The following GRB10 variants were observed in gnomAD, a reference collection of about 807,000 sequenced individuals.
GRB10 encodes the protein growth factor receptor bound protein 10.
In GRB10, 20 loss-of-function variants were observed where a neutral mutation model predicts 80.9. The ratio of observed to expected loss-of-function variants is 0.25; its 90% CI spans 0.17 to 0.36. GRB10 has a LOEUF of 0.36. Among genes scored for constraint, GRB10 ranks in the 10% least tolerant of loss-of-function variants. The probability of loss-of-function intolerance (pLI) is 1.00; values close to 1 mark genes in which losing one functional copy is unlikely to be tolerated. For synonymous variants in GRB10, 291 were observed against 291.5 expected, an observed-to-expected ratio of 1.00 and a Z score of 0.02; for missense variants, 548 against 747.7, an observed-to-expected ratio of 0.73 and a Z score of 3.12.
At chr7:50,777,896 CACACACCAGG>C (rs1331098748) in intron 2 of GRB10, among the ~76,000 whole-genome samples, 1 of 152,058 alleles carries the variant, frequency 6.6e-6, no homozygotes, top group Non-Finnish European at 1.5e-5. Flanking sequence ...AGGGGAATAA[CACACACCAGG>C]GCCTGTCAGG....
chr7:50,735,316 G>GT (rs2070602362), intron 3 of GRB10, among the ~76,000 whole-genome samples: 1 of 152,146 alleles, frequency 6.6e-6, no homozygotes, highest in South Asian at 2.1e-4. Context: ...TAAATAAACG[G>GT]TAAGACATGC....
intron 7 of GRB10, among the ~76,000 whole-genome samples, chr7:50,640,944 G>C (rs1214578902): frequency 6.6e-6 from 1 of 152,166 alleles, no homozygotes; most frequent in Non-Finnish European, 1.5e-5. Flanking sequence ...GCTGAGCACA[G>C]AAAGGCAGGC....
chr7:50,740,370 C>A (rs543894365), intron 3 of GRB10, among the ~76,000 whole-genome samples: 1 of 152,280 alleles, frequency 6.6e-6, no homozygotes, highest in South Asian at 2.1e-4. Context: ...CCTGCCATAC[C>A]CAGAACAGCA....
chr7:50,626,760 A>G (rs1468450), intron 8 of GRB10, 62 bp downstream of exon 8: 972,549 of 1,581,726 alleles, frequency 0.61, 304,091 homozygotes, highest in African/African-American at 0.92. Context: ...TGGCAGCAGC[A>G]GTCTTCATTC....
At chr7:50,628,282 A>G (rs1211213772) in intron 7 of GRB10, among the ~76,000 whole-genome samples, 2 of 152,222 alleles carry the variant, frequency 1.3e-5, no homozygotes, top group East Asian at 3.9e-4. Flanking sequence ...AGGGTGGGTG[A>G]GAATGTTAGT....
At chr7:50,792,279 G>A (rs758030001) in intron 1 of GRB10, among the ~76,000 whole-genome samples, 20 of 151,218 alleles carry the variant, frequency 1.3e-4, no homozygotes, top group Non-Finnish European at 2.8e-4. Flanking sequence ...CACCAAGTTT[G>A]CAAGAAAATA....
intron 4 of GRB10, among the ~76,000 whole-genome samples, chr7:50,730,527 C>T (rs540432984): frequency 6.6e-5 from 10 of 152,302 alleles, no homozygotes; most frequent in Admixed American, 3.9e-4. Flanking sequence ...GGACATATGC[C>T]GCCAAGTCTT....
intron 7 of GRB10, among the ~76,000 whole-genome samples, chr7:50,656,781 G>A (rs188765837): frequency 2.6e-5 from 4 of 152,328 alleles, no homozygotes; most frequent in East Asian, 1.9e-4. Context: ...GTCAGGGCTC[G>A]GAAGTCCCGA....
In GRB10 at chr7:50,782,782, TC is replaced by T. The variant is rs1235814752; in HGVS notation, c.-686del. On this transcript the variant is annotated 5_prime_UTR_variant, in exon 1 of 19. Coordinates refer to ENST00000401949, the MANE Select transcript of GRB10 (RefSeq NM_001350814.2). This position sits in a 1 kb window ranked among gnomAD's most constrained non-coding sequence, Gnocchi z 6.6. Reference sequence around the variant, plus strand: ...CACCACGCAGGTGCCCGGGGGCCCCTCCGCGGAGCCGGCTGCCGCCCGGCTG... The same window carrying T: ...CACCACGCAGGTGCCCGGGGGCCCCTCGCGGAGCCGGCTGCCGCCCGGCTG... 6.6e-6 allele frequency: 1 copy of T among 151,854 alleles called. No homozygotes were observed. Among genetic ancestry groups the T allele is most frequent in the African/African-American group, 2.4e-5 (1 of 41,310 alleles). 9.4% of individuals were successfully genotyped at this position (151,854 alleles called of 1,614,324 possible).
intron 1 of GRB10, chr7:50,793,015 C>A (rs1357512742): frequency 1.0e-4 from 15 of 144,218 alleles, no homozygotes; most frequent in Non-Finnish European, 1.7e-4. Context: ...CCTCCGAGCA[C>A]CGCCCGCTGC....
intron 17 of GRB10, 156 bp from the exon 18 acceptor site, chr7:50,595,686 C>T (rs746549446): frequency 5.8e-5 from 37 of 642,510 alleles, no homozygotes; most frequent in Middle Eastern, 3.9e-4. Flanking sequence ...TTTAAGTGGC[C>T]TCTAGGGGCA....
chr7:50,765,234 G>A (rs908202749), intron 2 of GRB10, among the ~76,000 whole-genome samples: 5 of 152,196 alleles, frequency 3.3e-5, no homozygotes, highest in Non-Finnish European at 7.3e-5. Context: ...GTAAATTAGT[G>A]CAGCCCCCAT....
At chr7:50,688,687 G>A (rs2062401558) in intron 5 of GRB10, among the ~76,000 whole-genome samples, 1 of 150,390 alleles carries the variant, frequency 6.6e-6, no homozygotes, top group Admixed American at 6.6e-5. Context: ...GAAGACAATG[G>A]TGTTCCCAGA....
intron 1 of GRB10, chr7:50,792,299 A>T (rs959868461): frequency 3.8e-6 from 1 of 260,310 alleles, no homozygotes; most frequent in Non-Finnish European, 7.2e-6. Context: ...ATTCTTTCAA[A>T]CGCATTGTAA....
chr7:50,733,376 A>ACT (rs1161195309), intron 3 of GRB10, among the ~76,000 whole-genome samples: 1 of 152,176 alleles, frequency 6.6e-6, no homozygotes, highest in Admixed American at 6.5e-5. Context: ...TGACAGCCTT[A>ACT]CTAAACTAAC....
chr7:50,637,436 CCACACA>C (rs137998418), intron 7 of GRB10, among the ~76,000 whole-genome samples: 1 of 150,942 alleles, frequency 6.6e-6, no homozygotes, highest in Non-Finnish European at 1.5e-5. Flanking sequence ...TTTAAAATGG[CCACACA>C]CACACACACA....
At chr7:50,734,716 C>A (rs763457513) in intron 3 of GRB10, among the ~76,000 whole-genome samples, 5 of 152,180 alleles carry the variant, frequency 3.3e-5, no homozygotes, top group East Asian at 1.9e-4. Context: ...ATGGCTTCTC[C>A]GCCAGGAAAA....
At chr7:50,637,248 G>A (rs2055223465) in intron 7 of GRB10, among the ~76,000 whole-genome samples, 1 of 152,220 alleles carries the variant, frequency 6.6e-6, no homozygotes, top group Non-Finnish European at 1.5e-5. Flanking sequence ...GATTACAGGT[G>A]TGAGCCACTG....
chr7:50,690,237 G>A (rs1047157377), intron 5 of GRB10, among the ~76,000 whole-genome samples: 4 of 151,550 alleles, frequency 2.6e-5, no homozygotes, highest in Non-Finnish European at 2.9e-5. Flanking sequence ...TGGAGGTTGC[G>A]ATGAGTCAAG....
Sources: allele counts gnomAD v4.1 joint callset (sites outside exome capture counted in the v4.1 genomes callset), GRCh38; gene constraint gnomAD v4.1.1; non-coding constraint Gnocchi (gnomAD v3.1); transcripts MANE v1.5; gene names NCBI Gene and HGNC (gene_info 2026-07-23, HGNC 2026-07-21).